GALNT13: variants seen among roughly 807,000 people sequenced by gnomAD.
GALNT13 encodes the protein UDP-GalNAc:polypeptide N-acetylgalactosaminyltransferase 13.
In GALNT13, 28 loss-of-function variants were observed where a neutral mutation model predicts 64.2. The ratio of observed to expected loss-of-function variants is 0.44; its 90% CI spans 0.32 to 0.60. The LOEUF (loss-of-function observed/expected upper bound fraction) is 0.60. Among genes scored for constraint, GALNT13 ranks in the 20% least tolerant of loss-of-function variants. GALNT13 has a pLI of 0.05. For missense variants in GALNT13, 577 were observed against 669.8 expected (o/e 0.86, Z 1.53); for synonymous variants, 214 against 224.6 (o/e 0.95, Z 0.42).
the GALNT13 span, among the ~76,000 whole-genome samples, chr2:153,814,449 A>ATAAGTAAGTAAGTAAG: frequency 4.1e-3 from 615 of 148,382 alleles, 4 homozygotes; most frequent in African/African-American, 0.015. Context: ...CAATAAATAA[A>ATAAGTAAGTAAGTAAG]TAAGTAAGTA....
chr2:154,453,856 C>T lies in GALNT13; in HGVS notation c.*3305C>T, dbSNP rs1486602205. 3 of 152,010 alleles carry T rather than the reference C, an allele frequency of 2.0e-5. No individual in the cohort carries two copies. The highest frequency in any genetic ancestry group is 7.2e-5 in the African/African-American group (3 of 41,410). 9.4% of individuals were successfully genotyped at this position (152,010 alleles called of 1,614,324 possible). A position where few individuals can be genotyped will look rare whatever the true frequency, so the allele number is the denominator to read the frequency against. ...TAGACAGGATTTCCAAAAACTTTGT[C>T]TTCAAATTTTAATTTTCTTCCTAAT... On this transcript the variant is annotated 3_prime_UTR_variant, in exon 13 of 13. Coordinates refer to ENST00000392825, the MANE Select transcript of GALNT13 (RefSeq NM_052917.4).
At chr2:154,415,029 G>A (rs182085775) in intron 11 of GALNT13, among the ~76,000 whole-genome samples, 2 of 151,314 alleles carry the variant, frequency 1.3e-5, no homozygotes, top group African/African-American at 4.9e-5. Flanking sequence ...GCTGGGCATG[G>A]TGGCATGCAT....
chr2:153,994,705 T>A (rs1164604403), intron 3 of GALNT13, among the ~76,000 whole-genome samples: 2 of 152,218 alleles, frequency 1.3e-5, no homozygotes, highest in Non-Finnish European at 2.9e-5. Flanking sequence ...GTTGGCTGCA[T>A]AAATGTCTTC....
intron 12 of GALNT13, among the ~76,000 whole-genome samples, chr2:154,449,104 C>A (rs776688585): frequency 3.3e-5 from 5 of 151,886 alleles, no homozygotes; most frequent in Non-Finnish European, 7.4e-5. Context: ...TCTTGCCTAT[C>A]TTTGGCCATT....
At chr2:154,426,852 A>G (rs1700492664) in intron 11 of GALNT13, among the ~76,000 whole-genome samples, 2 of 152,158 alleles carry the variant, frequency 1.3e-5, no homozygotes, top group African/African-American at 4.8e-5. Flanking sequence ...GTTTCCCATA[A>G]AGACTAGGGA....
chr2:154,311,762 G>T (rs890716904), intron 9 of GALNT13, among the ~76,000 whole-genome samples: 6 of 152,202 alleles, frequency 3.9e-5, no homozygotes, highest in East Asian at 1.9e-4. Flanking sequence ...GTACGCCCTG[G>T]GGGGGCCAGT....
intron 9 of GALNT13, among the ~76,000 whole-genome samples, chr2:154,356,682 A>G (rs1044780632): frequency 1.2e-4 from 18 of 151,908 alleles, no homozygotes; most frequent in Admixed American, 1.2e-3. Context: ...CTCCGCCATT[A>G]ATTTACTTAC....
chr2:153,990,784 CTT>C (rs1234887116), intron 3 of GALNT13, among the ~76,000 whole-genome samples: 2 of 152,148 alleles, frequency 1.3e-5, no homozygotes, highest in African/African-American at 4.8e-5. Flanking sequence ...AAACTAAAAA[CTT>C]TCTTCTGCAA....
At chr2:154,033,711 G>T (rs186147022) in intron 3 of GALNT13, among the ~76,000 whole-genome samples, 4 of 152,030 alleles carry the variant, frequency 2.6e-5, no homozygotes, top group Admixed American at 2.0e-4. Flanking sequence ...ATGCTGAGGC[G>T]GTTGGATCAT....
the GALNT13 span, among the ~76,000 whole-genome samples, chr2:153,595,427 TAAAAC>T: frequency 6.6e-6 from 1 of 151,854 alleles, no homozygotes; most frequent in Non-Finnish European, 1.5e-5. Context: ...GTTTGTATAA[TAAAAC>T]AAAATTTTAT....
the GALNT13 span, among the ~76,000 whole-genome samples, chr2:153,430,431 G>T: frequency 1.3e-5 from 2 of 151,740 alleles, no homozygotes; most frequent in Admixed American, 6.6e-5. Context: ...GACTTATAAA[G>T]TTACACGTGG....
chr2:153,093,627 C>T, the GALNT13 span, among the ~76,000 whole-genome samples: 4 of 152,058 alleles, frequency 2.6e-5, no homozygotes, highest in Non-Finnish European at 5.9e-5. Flanking sequence ...GTAACATTGG[C>T]CAGTAGTTTT....
intron 2 of GALNT13, among the ~76,000 whole-genome samples, chr2:153,909,416 A>G (rs899805146): frequency 2.0e-5 from 3 of 151,992 alleles, no homozygotes; most frequent in Non-Finnish European, 2.9e-5. Context: ...TTCTGTATGT[A>G]TATGCTTTAT....
chr2:154,275,415 A>G (rs1691587057), intron 8 of GALNT13, among the ~76,000 whole-genome samples: 1 of 152,308 alleles, frequency 6.6e-6, no homozygotes, highest in South Asian at 2.1e-4. Flanking sequence ...TCTGCATCCC[A>G]GATGCTCTAG....
chr2:153,617,539 G>T, the GALNT13 span, among the ~76,000 whole-genome samples: 1 of 151,836 alleles, frequency 6.6e-6, no homozygotes, highest in Admixed American at 6.6e-5. Context: ...GTGTGTGTTT[G>T]TCTGGTTTTT....
At chr2:153,693,657 A>G in the GALNT13 span, among the ~76,000 whole-genome samples, 3 of 151,914 alleles carry the variant, frequency 2.0e-5, no homozygotes, top group Non-Finnish European at 4.4e-5. Context: ...GATAAGGGGG[A>G]AAAAGGGGAG....
chr2:154,065,009 A>C (rs1700387032), intron 3 of GALNT13, among the ~76,000 whole-genome samples: 1 of 151,946 alleles, frequency 6.6e-6, no homozygotes, highest in Non-Finnish European at 1.5e-5. Flanking sequence ...CACTGCCATG[A>C]AGGGTGAGTC....
At chr2:153,212,776 C>T in the GALNT13 span, among the ~76,000 whole-genome samples, 1 of 152,164 alleles carries the variant, frequency 6.6e-6, no homozygotes, top group Non-Finnish European at 1.5e-5. Flanking sequence ...GTTTACACAG[C>T]AGTCTGGCTG....
At chr2:154,080,456 C>A (rs974496661) in intron 3 of GALNT13, among the ~76,000 whole-genome samples, 5 of 151,526 alleles carry the variant, frequency 3.3e-5, no homozygotes, top group African/African-American at 1.2e-4. Context: ...TGCACGAGGG[C>A]AGGAAATTGC....
Sources: gnomAD v4.1 joint callset for allele counts (sites outside exome capture counted in the v4.1 genomes callset) on GRCh38, gnomAD v4.1.1 for gene constraint, MANE v1.5 for transcripts, NCBI Gene and HGNC (gene_info 2026-07-23, HGNC 2026-07-21) for gene names.